TECTA: variants seen among roughly 807,000 people sequenced by gnomAD.
TECTA encodes the protein alpha-tectorin.
In TECTA, 128 loss-of-function variants were observed where a neutral mutation model predicts 216.8. That is an observed-to-expected ratio of 0.59 (90% CI 0.51 to 0.68). The LOEUF (loss-of-function observed/expected upper bound fraction) is 0.68. Among genes scored for constraint, TECTA ranks in the 30% least tolerant of loss-of-function variants. The pLI is 0.00. For synonymous variants in TECTA, 1,089 were observed against 1,117.1 expected, an observed-to-expected ratio of 0.97 and a Z score of 0.50; for missense variants, 2,551 against 2,786.2, an observed-to-expected ratio of 0.92 and a Z score of 1.90.
intron 20 of TECTA, among the ~76,000 whole-genome samples, chr11:121,178,027 C>G (rs1023787215): frequency 2.6e-5 from 4 of 152,204 alleles, no homozygotes; most frequent in Non-Finnish European, 4.4e-5. Context: ...TTAAGCCCGT[C>G]GGAAAAGCGC....
chr11:121,187,089 G>A (rs1034621967), intron 20 of TECTA, among the ~76,000 whole-genome samples: 7 of 152,322 alleles, frequency 4.6e-5, no homozygotes, highest in South Asian at 2.1e-4. Flanking sequence ...AGAGGTTGCC[G>A]TAGAACTGGT....
chr11:121,175,038 T>A (rs1947150905), intron 20 of TECTA, among the ~76,000 whole-genome samples: 1 of 152,096 alleles, frequency 6.6e-6, no homozygotes, highest in African/African-American at 2.4e-5. Context: ...GGTGGTGATA[T>A]CCCCTTTATC....
In TECTA at chr11:121,105,706, C is replaced by T; in HGVS notation, c.65-125C>T. 1 of 1,207,590 alleles carries T rather than the reference C, an allele frequency of 8.3e-7. No individual in the cohort carries two copies. The highest frequency in any genetic ancestry group is 2.5e-5 in the East Asian group (1 of 40,166). The allele number at this position is 1,207,590 out of a possible 1,614,324, so 74.8% of individuals were successfully genotyped here. On this transcript the variant is annotated intron_variant, in intron 2 of 23. Coordinates refer to ENST00000392793, the MANE Select transcript of TECTA (RefSeq NM_005422.4). The surrounding 1 kb of genome is among the most constrained non-coding windows in gnomAD (Gnocchi z 5.3). ...CCTAGGTTTAGGATGAATGACAGGGCAGTATGACTTGCATTCAGCTTGCAA... is the reference window on the plus strand; with the variant it reads ...CCTAGGTTTAGGATGAATGACAGGGTAGTATGACTTGCATTCAGCTTGCAA...
rs893492553 is a variant in TECTA at position 121,137,562 on chromosome 11, G to A, written c.3083G>A (p.Ser1028Asn). 1.2e-6 allele frequency: 2 copies of A among 1,613,872 alleles called. No homozygotes were observed. The highest frequency in any genetic ancestry group is 2.7e-5 in the African/African-American group (2 of 74,900). ...QCDEGYALLG[S>N]QCVTRSECGC... ...GATGAGGGCTATGCTCTACTGGGCA[G>A]CCAGTGTGTCACGCGGAGTGAGTGT... Residue 1028 changes from serine to asparagine, a missense_variant, in exon 11 of 24, where the codon AGC becomes AAC. By Grantham distance (46) the Ser-to-Asn change is conservative. Transcript: ENST00000392793.
chr11:121,135,814 A>T (rs1018230806), intron 10 of TECTA, among the ~76,000 whole-genome samples: 1 of 152,334 alleles, frequency 6.6e-6, no homozygotes, highest in African/African-American at 2.4e-5. Context: ...TGATCTTTAG[A>T]TCGCACAGAC....
chr11:121,104,505 G>T (rs951976207), intron 2 of TECTA, among the ~76,000 whole-genome samples: 1 of 152,170 alleles, frequency 6.6e-6, no homozygotes, highest in African/African-American at 2.4e-5. Context: ...CCCCTGGAAA[G>T]AAATTAGCCC....
intron 6 of TECTA, among the ~76,000 whole-genome samples, chr11:121,115,626 C>G (rs572082991): frequency 6.6e-6 from 1 of 152,218 alleles, no homozygotes; most frequent in East Asian, 1.9e-4. Flanking sequence ...TCTTTCTTGG[C>G]TCAGATTCAA....
chr11:121,186,236 T>C (rs184867486), intron 20 of TECTA, among the ~76,000 whole-genome samples: 1 of 152,216 alleles, frequency 6.6e-6, no homozygotes, highest in Admixed American at 6.5e-5. Context: ...TATTTTGGGG[T>C]CAGTTGTTTC....
chr11:121,139,969 T>C (rs1280578277), intron 11 of TECTA, among the ~76,000 whole-genome samples: 1 of 152,228 alleles, frequency 6.6e-6, no homozygotes, highest in African/African-American at 2.4e-5. Context: ...ATATTTGTCC[T>C]TTACTCTTTG....
At chr11:121,102,571 TGATGGTCTTGGGA>T in intron 1 of TECTA, 81 bp from the exon 2 acceptor site, 1 of 928,688 alleles carries the variant, frequency 1.1e-6, no homozygotes, top group Non-Finnish European at 1.8e-6. Context: ...ATGACGGTTT[TGATGGTCTTGGGA>T]TTAGCCACTA....
rs926009171 is a variant in TECTA at position 121,113,246 on chromosome 11, G to A, written c.624+37G>A. On this transcript the variant is annotated intron_variant, in intron 5 of 23. Transcript: ENST00000392793. This position sits in a 1 kb window ranked among gnomAD's most constrained non-coding sequence, Gnocchi z 4.2. ...TCCACTTCATCCCCCGCGTGTTTCC[G>A]TCGCTGCACTCTCTGCTTCTGTGGC... The A allele has an allele frequency of 5.6e-6, 9 of 1,613,264 alleles. No homozygotes were observed. Among genetic ancestry groups the A allele is most frequent in the East Asian group, 2.2e-5 (1 of 44,876 alleles).
intron 6 of TECTA, among the ~76,000 whole-genome samples, chr11:121,116,249 A>G (rs1053406417): frequency 2.0e-5 from 3 of 152,172 alleles, no homozygotes; most frequent in Non-Finnish European, 4.4e-5. Flanking sequence ...ATACGGCATC[A>G]CTTAAGGTCT....
intron 20 of TECTA, among the ~76,000 whole-genome samples, chr11:121,178,195 C>T (rs1347665800): frequency 6.6e-6 from 1 of 152,224 alleles, no homozygotes; most frequent in African/African-American, 2.4e-5. Flanking sequence ...CTGTCCTGCG[C>T]CCACTGTCTG....
At position 121,127,476 on chromosome 11, in the gene TECTA, C is replaced by T. The variant is rs544337794; in HGVS notation, c.1775-276C>T. Among the ~76,000 whole-genome samples, 1 of 152,150 alleles carries T rather than the reference C, an allele frequency of 6.6e-6. No homozygotes were observed. The highest frequency in any genetic ancestry group is 2.4e-5 in the African/African-American group (1 of 41,506). ...AAATAATAAACCTATATTGGGTAAT[C>T]AGTAGTCTAGAAAGGATGGCATCCT... On this transcript the variant is annotated intron_variant, in intron 8 of 23. Transcript: ENST00000392793. This position sits in a 1 kb window ranked among gnomAD's most constrained non-coding sequence, Gnocchi z 5.0.
chr11:121,180,785 C>T (rs1159114597), intron 20 of TECTA, among the ~76,000 whole-genome samples: 1 of 148,052 alleles, frequency 6.8e-6, no homozygotes, highest in Non-Finnish European at 1.5e-5. Flanking sequence ...TTATATTTAA[C>T]ATAGGATTTC....
At chr11:121,179,412 C>A (rs1947202866) in intron 20 of TECTA, among the ~76,000 whole-genome samples, 1 of 152,078 alleles carries the variant, frequency 6.6e-6, no homozygotes, top group Non-Finnish European at 1.5e-5. Context: ...GATATGATTT[C>A]AATTTTTAAA....
At chr11:121,118,970 A>C (rs146918685) in intron 7 of TECTA, among the ~76,000 whole-genome samples, 1 of 150,044 alleles carries the variant, frequency 6.7e-6, no homozygotes, top group East Asian at 1.9e-4. Context: ...TTATATTCCT[A>C]GTTCCCTCAT....
chr11:121,173,150 T>C (rs1434089379), intron 20 of TECTA, among the ~76,000 whole-genome samples: 1 of 152,236 alleles, frequency 6.6e-6, no homozygotes, highest in Non-Finnish European at 1.5e-5. Flanking sequence ...GCCTGTTCAC[T>C]CTGGTGGTAG....
Position 121,128,081 on chromosome 11 carries a change from T to C in TECTA, c.2104T>C (p.Tyr702His). The C allele has an allele frequency of 6.2e-7, 1 of 1,612,820 alleles. No homozygotes were observed. Among genetic ancestry groups the C allele is most frequent in the South Asian group, 1.1e-5 (1 of 91,076 alleles). Reference protein sequence around the residue: ...SGEVCAVEDGYQGCFPKRETV... With the variant: ...SGEVCAVEDGHQGCFPKRETV... ...GGAGGTGTGCGCCGTGGAGGACGGCTACCAGGGCTGCTTCCCCAAGCGGGA... is the reference window on the plus strand; with the variant it reads ...GGAGGTGTGCGCCGTGGAGGACGGCCACCAGGGCTGCTTCCCCAAGCGGGA... The change falls in exon 9 of 24, where the codon TAC becomes CAC. Residue 702 changes from tyrosine to histidine, a missense_variant. Tyr to His is a moderately conservative substitution (Grantham distance 83). Transcript: ENST00000392793.
Sources: gnomAD v4.1 joint callset for allele counts (sites outside exome capture counted in the v4.1 genomes callset) on GRCh38, gnomAD v4.1.1 for gene constraint, Gnocchi (gnomAD v3.1) non-coding constraint, MANE v1.5 for transcripts, NCBI Gene and HGNC (gene_info 2026-07-23, HGNC 2026-07-21) for gene names.